The following IQCK variants were observed in gnomAD, a reference collection of about 807,000 sequenced individuals.
IQCK encodes IQ domain-containing protein K.
A neutral mutation model predicts 28.1 loss-of-function variants in IQCK; 29 were observed. That is an observed-to-expected ratio of 1.03 (90% CI 0.77 to 1.41). The LOEUF is 1.41. IQCK is among the 40% of genes most tolerant of loss of function. IQCK has a pLI of 0.00. For synonymous variants in IQCK, 113 were observed against 115.1 expected (o/e 0.98, Z 0.12); for missense variants, 359 against 314.7 (o/e 1.14, Z -1.07).
chr16:19,847,897 G>A (rs930483755), intron 9 of IQCK, among the ~76,000 whole-genome samples: 1 of 152,122 alleles, frequency 6.6e-6, no homozygotes, highest in South Asian at 2.1e-4. Context: ...TGAACTCCTG[G>A]GCTTGAGCCA....
chr16:19,721,650 A>G lies in IQCK; in HGVS notation c.181+3163A>G, dbSNP rs1054318186. On this transcript the variant is annotated intron_variant, in intron 1 of 7. Transcript: ENST00000564186. Reference sequence around the variant, plus strand: ...ACCCAGGCTGCAGTGCAGTGGCGCAATCTCGGCTCACTGCAACCTCTGCCT... The same window carrying G: ...ACCCAGGCTGCAGTGCAGTGGCGCAGTCTCGGCTCACTGCAACCTCTGCCT... Among the ~76,000 whole-genome samples the G allele has an allele frequency of 9.9e-5, 15 of 151,288 alleles. No individual in the cohort carries two copies. In the East Asian group the frequency reaches 1.4e-3, roughly 14 times the overall value.
chr16:19,849,365 T>C (rs976861282), intron 9 of IQCK, among the ~76,000 whole-genome samples: 3 of 152,002 alleles, frequency 2.0e-5, no homozygotes, highest in Admixed American at 1.3e-4. Context: ...GCAGTTACAC[T>C]TAAGTGATGT....
At chr16:19,755,909 C>A (rs958313625) in intron 4 of IQCK, among the ~76,000 whole-genome samples, 1 of 152,160 alleles carries the variant, frequency 6.6e-6, no homozygotes, top group Non-Finnish European at 1.5e-5. Flanking sequence ...CAGGCCAAGC[C>A]CAGTGGCTCA....
intron 9 of IQCK, among the ~76,000 whole-genome samples, chr16:19,850,964 A>C (rs2056474288): frequency 6.6e-6 from 1 of 152,182 alleles, no homozygotes; most frequent in Non-Finnish European, 1.5e-5. Flanking sequence ...TTGAGACTGC[A>C]GTGAGCCCTG....
chr16:19,802,318 C>T (rs187921598), intron 7 of IQCK, among the ~76,000 whole-genome samples: 1 of 18,840 alleles, frequency 5.3e-5, no homozygotes, highest in East Asian at 7.6e-4. Context: ...ACTTTGGTGA[C>T]GACTTTGAGC....
chr16:19,855,815 C>G (rs1224909076), intron 9 of IQCK, among the ~76,000 whole-genome samples: 1 of 152,156 alleles, frequency 6.6e-6, no homozygotes, highest in African/African-American at 2.4e-5. Context: ...CACATATGGG[C>G]AAGCAGCACT....
chr16:19,781,324 G>A (rs1207693468), intron 6 of IQCK, among the ~76,000 whole-genome samples: 4 of 152,170 alleles, frequency 2.6e-5, no homozygotes, highest in Admixed American at 6.5e-5. Context: ...TGCTTGGCGA[G>A]TTCTGCTATC....
chr16:19,766,646 G>A (rs2055242364), intron 6 of IQCK, among the ~76,000 whole-genome samples: 2 of 152,306 alleles, frequency 1.3e-5, no homozygotes, highest in South Asian at 4.1e-4. Context: ...GTGCATTGTA[G>A]GATGTTTTGC....
chr16:19,776,574 G>A (rs2055398269), intron 6 of IQCK, among the ~76,000 whole-genome samples: 1 of 152,122 alleles, frequency 6.6e-6, no homozygotes, highest in Non-Finnish European at 1.5e-5. Context: ...AGGCTTTGTG[G>A]TGCACGCCTG....
chr16:19,726,263 G>A (rs1001420060), intron 1 of IQCK, among the ~76,000 whole-genome samples: 1 of 152,130 alleles, frequency 6.6e-6, no homozygotes, highest in Non-Finnish European at 1.5e-5. Context: ...AAGTAATAAA[G>A]AAATGCAAAT....
chr16:19,727,589 C>A (rs1027251393), intron 1 of IQCK, among the ~76,000 whole-genome samples: 5 of 145,580 alleles, frequency 3.4e-5, no homozygotes, highest in African/African-American at 1.1e-4. Context: ...TTTGTCACCC[C>A]CCCCCCCCAA....
chr16:19,731,952 G>A (rs1977853944), intron 2 of IQCK, among the ~76,000 whole-genome samples: 1 of 152,192 alleles, frequency 6.6e-6, no homozygotes, highest in Non-Finnish European at 1.5e-5. Flanking sequence ...GACTTAATTA[G>A]CCTCTGAGAG....
intron 1 of IQCK, among the ~76,000 whole-genome samples, chr16:19,723,376 A>G (rs951955700): frequency 1.3e-5 from 2 of 152,180 alleles, no homozygotes; most frequent in African/African-American, 4.8e-5. Flanking sequence ...AGTTCACAAC[A>G]TACCATTCAC....
At chr16:19,740,966 T>TAA (rs59584575) in intron 4 of IQCK, among the ~76,000 whole-genome samples, 1,435 of 129,220 alleles carry the variant, frequency 0.011, 23 homozygotes, top group African/African-American at 0.034. Context: ...AGACTCCATC[T>TAA]AAAAAAAAAA....
chr16:19,737,153 C>T (rs1244203724), intron 4 of IQCK, among the ~76,000 whole-genome samples: 1 of 151,878 alleles, frequency 6.6e-6, no homozygotes, highest in Non-Finnish European at 1.5e-5. Flanking sequence ...AGAGCAAGAC[C>T]CTGTCTCCAA....
chr16:19,762,899 T>G (rs549451611), intron 4 of IQCK, among the ~76,000 whole-genome samples: 24 of 152,086 alleles, frequency 1.6e-4, no homozygotes, highest in African/African-American at 5.5e-4. Flanking sequence ...GCCTGTAGTC[T>G]TGGGTACTGG....
Position 19,727,590 on chromosome 16 carries a change from C to G in IQCK, c.182-2840C>G, listed in dbSNP as rs894146736. Among the ~76,000 whole-genome samples the G allele has an allele frequency of 8.0e-5, 12 of 150,136 alleles. No individual in the cohort carries two copies. The South Asian group carries it at 2.3e-3, about 29-fold the overall frequency. ...CGACAGAGCGAGACTTTGTCACCCC[C>G]CCCCCCCAAAAAAAAAGATTTGGTT... On this transcript the variant is annotated intron_variant, in intron 1 of 7. Coordinates refer to ENST00000564186, the Ensembl canonical transcript of IQCK.
intron 4 of IQCK, among the ~76,000 whole-genome samples, chr16:19,755,214 C>G (rs559499969): frequency 6.6e-6 from 1 of 152,220 alleles, no homozygotes; most frequent in East Asian, 1.9e-4. Context: ...ATGTGTATGC[C>G]ACATCCACAG....
intron 7 of IQCK, among the ~76,000 whole-genome samples, chr16:19,814,628 A>G (rs930137816): frequency 1.3e-5 from 2 of 152,146 alleles, no homozygotes; most frequent in African/African-American, 4.8e-5. Flanking sequence ...ATCTGCCTTT[A>G]TGCTGAAGGT....
Sources: allele counts gnomAD v4.1 joint callset (sites outside exome capture counted in the v4.1 genomes callset), GRCh38; gene constraint gnomAD v4.1.1; transcripts MANE v1.5; gene names NCBI Gene and HGNC (gene_info 2026-07-23, HGNC 2026-07-21).